MAGED1: variants seen among roughly 807,000 people sequenced by gnomAD.
The protein encoded by MAGED1 is melanoma-associated antigen D1.
In MAGED1, 3 loss-of-function variants were observed where a neutral mutation model predicts 54.1. The ratio of observed to expected loss-of-function variants is 0.06; its 90% CI spans 0.03 to 0.14. MAGED1 has a LOEUF of 0.14. Ranked by LOEUF, MAGED1 falls within the 10% of genes least tolerant of loss-of-function variation. MAGED1 has a pLI of 1.00. For synonymous variants in MAGED1, 217 were observed against 227.3 expected, an observed-to-expected ratio of 0.95 and a Z score of 0.41; for missense variants, 485 against 623.4, an observed-to-expected ratio of 0.78 and a Z score of 2.36.
Position 51,895,477 on chromosome X carries a change from C to A in MAGED1, c.470C>A (p.Pro157Gln), listed in dbSNP as rs1928703040. Residue 157 changes from proline (P) to glutamine (Q), a missense_variant, in exon 3 of 13, where the codon CCA (proline) becomes CAA (glutamine). By Grantham distance (76) the Pro-to-Gln change is moderately conservative. Coordinates refer to ENST00000326587, the MANE Select transcript of MAGED1 (RefSeq NM_006986.4). Reference sequence around the variant, plus strand: ...CAGAATGCCACTACTAAAGTGGGCCCAAATGCCACCTACAATTTCTCTCAG... The same window carrying A: ...CAGAATGCCACTACTAAAGTGGGCCAAAATGCCACCTACAATTTCTCTCAG... ...KAQNATTKVG[P>Q]NATYNFSQSL... 9.9e-6 allele frequency: 12 copies of A among 1,209,278 alleles called. No individual in the cohort carries two copies. The South Asian group carries it at 1.2e-4, about 13-fold the overall frequency.
At position 51,895,405 on chromosome X, in the gene MAGED1, C is replaced by T. The variant is rs1403789983; in HGVS notation, c.398C>T (p.Thr133Ile). The T allele has an allele frequency of 5.0e-6, 6 of 1,206,598 alleles. No homozygotes were observed. The highest frequency in any genetic ancestry group is 6.7e-6 in the Non-Finnish European group (6 of 892,610). The change falls in exon 3 of 13, where the codon ACC becomes ATC. Residue 133 changes from threonine to isoleucine, a missense_variant. Thr to Ile is a moderately conservative substitution (Grantham distance 89). Transcript: ENST00000326587. ...NAAYDFSQAA[T>I]TGELAANKSE... ...GCCTATGATTTTTCCCAGGCAGCAA[C>T]CACTGGTGAGTTAGCTGCTAACAAG...
At position 51,840,810 on chromosome X, in the gene MAGED1, A is replaced by G. The variant is rs1278548151; in HGVS notation, c.-37+37693A>G. Among the ~76,000 whole-genome samples the G allele has an allele frequency of 7.3e-5, 8 of 110,242 alleles. No individual in the cohort carries two copies. The East Asian group carries it at 1.7e-3, about 24-fold the overall frequency. ...TAGTATTCCATGGTGTATATGTGCC[A>G]CATTTTCTTAATCCAGTCTATCATT... On this transcript the variant is annotated intron_variant, in intron 1 of 12. Coordinates refer to the MAGED1 transcript ENST00000375772.
Position 51,901,544 on chromosome X carries a change from T to A in MAGED1, c.1960-9T>A. The A allele has an allele frequency of 4.4e-6, 5 of 1,143,380 alleles. No homozygotes were observed. Among genetic ancestry groups the A allele is most frequent in the Non-Finnish European group, 5.8e-6 (5 of 862,704 alleles). 94.2% of individuals were successfully genotyped at this position (1,143,380 alleles called of 1,213,427 possible). ...TGGATTTTGTTTTGTTTTCTATTCC[T>A]CATCTCAGGTTCAGAAAAGAGACCC... is the stretch of plus-strand genomic sequence containing the variant. On this transcript the variant is annotated splice_polypyrimidine_tract_variant and intron_variant, in intron 11 of 12. Coordinates refer to ENST00000326587, the MANE Select transcript of MAGED1 (RefSeq NM_006986.4).
At chrX:51,840,506 C>G (rs782120732) in intron 1 of MAGED1, among the ~76,000 whole-genome samples, 3 of 108,785 alleles carry the variant, frequency 2.8e-5, no homozygotes, top group South Asian at 8.2e-4. Flanking sequence ...CATATGTATA[C>G]ATGTGCCATG....
At chrX:51,804,525 AT>A (rs1235835095) in intron 1 of MAGED1, among the ~76,000 whole-genome samples, 7 of 111,675 alleles carry the variant, frequency 6.3e-5, no homozygotes, top group Admixed American at 1.9e-4. Context: ...TCATTCAATA[AT>A]TTTTTATTGA....
intron 1 of MAGED1, among the ~76,000 whole-genome samples, chrX:51,864,822 TC>T (rs1270647948): frequency 8.9e-6 from 1 of 112,294 alleles, no homozygotes. Context: ...GTAACTTAAT[TC>T]ATTTATTAGT....
chrX:51,838,305 C>T (rs1471569733), intron 1 of MAGED1, among the ~76,000 whole-genome samples: 1 of 112,544 alleles, frequency 8.9e-6, no homozygotes, highest in Non-Finnish European at 1.9e-5. Context: ...CAGTAATTAA[C>T]TTTTTTTCTG....
At chrX:51,820,092 AG>A (rs1925567298) in intron 1 of MAGED1, among the ~76,000 whole-genome samples, 1 of 111,584 alleles carries the variant, frequency 9.0e-6, no homozygotes, top group African/African-American at 3.3e-5. Flanking sequence ...CATAAATATA[AG>A]GGTTTATATC....
chrX:51,822,192 G>A (rs1925661141), intron 1 of MAGED1, among the ~76,000 whole-genome samples: 1 of 111,266 alleles, frequency 9.0e-6, no homozygotes, highest in Admixed American at 9.5e-5. Context: ...TTTATTTGTG[G>A]GTAGTGTTTT....
chrX:51,894,195 C>T (rs1292234940), intron 1 of MAGED1, 74 bp from the exon 2 acceptor site: 40 of 584,583 alleles, frequency 6.8e-5, no homozygotes, highest in South Asian at 1.8e-4. Context: ...ACAGTCAGAC[C>T]ACAGTCACCC....
intron 1 of MAGED1, among the ~76,000 whole-genome samples, chrX:51,840,931 G>A (rs1415352878): frequency 9.0e-6 from 1 of 110,648 alleles, no homozygotes; most frequent in Admixed American, 9.6e-5. Flanking sequence ...ATGATTTATA[G>A]TCCTTTGAGT....
At chrX:51,900,508 GT>G (rs1327986256) in intron 11 of MAGED1, among the ~76,000 whole-genome samples, 4 of 108,332 alleles carry the variant, frequency 3.7e-5, no homozygotes, top group African/African-American at 1.0e-4. Context: ...TTTGTTTTGG[GT>G]TTTTTTTTAG....
upstream of MAGED1, among the ~76,000 whole-genome samples, chrX:51,890,315 T>C (rs1928389683): frequency 8.9e-6 from 1 of 112,477 alleles, no homozygotes; most frequent in South Asian, 3.7e-4. Flanking sequence ...GTGCCTGGTC[T>C]CTCCTGAATT....
At chrX:51,852,925 A>G (rs1474259550) in intron 1 of MAGED1, among the ~76,000 whole-genome samples, 2 of 111,936 alleles carry the variant, frequency 1.8e-5, no homozygotes, top group Non-Finnish European at 3.8e-5. Flanking sequence ...GAAATTCTAT[A>G]TTTTGTGCCT....
At chrX:51,872,085 T>C (rs1180895598) in intron 1 of MAGED1, among the ~76,000 whole-genome samples, 1 of 112,117 alleles carries the variant, frequency 8.9e-6, no homozygotes, top group Non-Finnish European at 1.9e-5. Flanking sequence ...CTTTGAAAAG[T>C]GTCTGTTCAT....
intron 1 of MAGED1, among the ~76,000 whole-genome samples, chrX:51,817,317 T>A: frequency 8.9e-6 from 1 of 111,781 alleles, no homozygotes; most frequent in Non-Finnish European, 1.9e-5. Context: ...AACAACCCAA[T>A]TTGGCTTGTT....
intron 1 of MAGED1, among the ~76,000 whole-genome samples, chrX:51,829,222 A>G (rs1281036898): frequency 9.0e-6 from 1 of 111,687 alleles, no homozygotes; most frequent in Non-Finnish European, 1.9e-5. Flanking sequence ...ATAGTGTCAA[A>G]TGTGGCGAGG....
chrX:51,897,703 G>A (rs1487524320), intron 6 of MAGED1, 77 bp downstream of exon 6: 12 of 1,073,017 alleles, frequency 1.1e-5, no homozygotes, highest in Non-Finnish European at 1.6e-5. Context: ...CCTACTGGGA[G>A]TTTAGGGCAA....
intron 1 of MAGED1, among the ~76,000 whole-genome samples, chrX:51,830,264 T>C (rs782379301): frequency 4.5e-5 from 5 of 111,533 alleles, no homozygotes; most frequent in African/African-American, 1.6e-4. Context: ...GATACAGATG[T>C]GTTTGAAAAT....
Sources: allele counts gnomAD v4.1 joint callset (sites outside exome capture counted in the v4.1 genomes callset), GRCh38; gene constraint gnomAD v4.1.1; transcripts MANE v1.5; gene names NCBI Gene and HGNC (gene_info 2026-07-23, HGNC 2026-07-21).